Variants in JAK2 observed in about 807,000 individuals in gnomAD.
JAK2 encodes the protein Janus kinase 2.
In JAK2, 86 loss-of-function variants were observed where a neutral mutation model predicts 139.3. The observed-to-expected ratio is 0.62, with a 90% CI of 0.52 to 0.74. JAK2 has a LOEUF of 0.74. JAK2 is among the 30% of genes least tolerant of loss of function. The probability of loss-of-function intolerance (pLI) is 0.00; values close to 1 mark genes in which losing one functional copy is unlikely to be tolerated. For synonymous variants in JAK2, 490 were observed against 437.7 expected, an observed-to-expected ratio of 1.12 and a Z score of -1.49; for missense variants, 1,421 against 1,360.3, an observed-to-expected ratio of 1.04 and a Z score of -0.70.
At chr9:5,106,884 C>G (rs1822004493) in intron 22 of JAK2, among the ~76,000 whole-genome samples, 1 of 151,962 alleles carries the variant, frequency 6.6e-6, no homozygotes, top group Admixed American at 6.5e-5. Context: ...GAACATCACA[C>G]AAAGGGGCCC....
At chr9:5,050,856 C>T (rs187871601) in intron 6 of JAK2, 25 bp downstream of exon 6, 2 of 1,587,990 alleles carry the variant, frequency 1.3e-6, no homozygotes, top group Admixed American at 1.7e-5. Flanking sequence ...CAAATCCTTA[C>T]ACATAAGTGT....
At chr9:5,043,117 C>T (rs1157200877) in intron 4 of JAK2, among the ~76,000 whole-genome samples, 1 of 152,214 alleles carries the variant, frequency 6.6e-6, no homozygotes, top group Non-Finnish European at 1.5e-5. Context: ...CCTTAAAGCC[C>T]CCGACCCAGC....
intron 2 of JAK2, among the ~76,000 whole-genome samples, chr9:5,012,399 CGT>C (rs1354637504): frequency 6.6e-6 from 1 of 151,832 alleles, no homozygotes; most frequent in Non-Finnish European, 1.5e-5. Context: ...TTATAATTGT[CGT>C]CATCAGGAAC....
intron 22 of JAK2, chr9:5,094,468 A>C (rs1227646481): frequency 2.0e-5 from 3 of 152,186 alleles, no homozygotes; most frequent in Non-Finnish European, 4.4e-5. Context: ...ACTGATCGGC[A>C]CACTACGAGC....
intron 4 of JAK2, among the ~76,000 whole-genome samples, chr9:5,032,947 C>T (rs879712228): frequency 6.6e-6 from 1 of 152,094 alleles, no homozygotes; most frequent in Non-Finnish European, 1.5e-5. Context: ...CAAACTACTC[C>T]AAGCTAAAGG....
At chr9:5,035,098 T>C (rs1359472674) in intron 4 of JAK2, among the ~76,000 whole-genome samples, 1 of 152,166 alleles carries the variant, frequency 6.6e-6, no homozygotes, top group Non-Finnish European at 1.5e-5. Flanking sequence ...GAGAATACTA[T>C]AAACACCTCT....
chr9:5,100,924 C>G (rs1821430965), intron 22 of JAK2: 1 of 152,254 alleles, frequency 6.6e-6, no homozygotes, highest in African/African-American at 2.4e-5. Flanking sequence ...TACAAGATGT[C>G]TGAATAGGAA....
chr9:4,991,340 GT>G (rs1820228901), intron 2 of JAK2, among the ~76,000 whole-genome samples: 1 of 152,082 alleles, frequency 6.6e-6, no homozygotes, highest in South Asian at 2.1e-4. Context: ...TTTTTAGTAT[GT>G]TATTGGAAAC....
At chr9:5,021,689 T>C (rs1267409431) in intron 2 of JAK2, among the ~76,000 whole-genome samples, 1 of 151,968 alleles carries the variant, frequency 6.6e-6, no homozygotes, top group Non-Finnish European at 1.5e-5. Context: ...TGCGGTGGAG[T>C]GCGGAGGTTT....
At chr9:5,094,885 T>G (rs141476703) in intron 22 of JAK2, 1 of 152,176 alleles carries the variant, frequency 6.6e-6, no homozygotes, top group African/African-American at 2.4e-5. Flanking sequence ...TTTTTATGAA[T>G]CCGAACAGCA....
chr9:5,108,572 A>G (rs1822166119), intron 22 of JAK2: 2 of 152,088 alleles, frequency 1.3e-5, no homozygotes, highest in Admixed American at 1.3e-4. Context: ...TGTGACTCCC[A>G]AAAGCCCATG....
rs184008299 is a variant in JAK2 at position 5,128,924 on chromosome 9, C to T, written c.*2133C>T. On this transcript the variant is annotated 3_prime_UTR_variant, in exon 25 of 25. Transcript: ENST00000381652. ...AGAATTATGTAATTCTGTAACTATT[C>T]CAGTATATTAAGTTATACAATCTTT... 2.0e-5 allele frequency among the ~76,000 whole-genome samples: 3 copies of T among 152,032 alleles called. No homozygotes were observed. The East Asian group carries it at 5.8e-4, about 29-fold the overall frequency.
chr9:4,984,612 C>T (rs1439021980), upstream of JAK2: 1 of 152,666 alleles, frequency 6.6e-6, no homozygotes, highest in African/African-American at 2.4e-5. Flanking sequence ...CACTTCCCCT[C>T]GGCCTAGCAG....
Position 5,090,540 on chromosome 9 carries a change from A to C in JAK2, c.2856A>C (p.Lys952Asn). 6.3e-7 allele frequency: 1 copy of C among 1,595,534 alleles called. No individual in the cohort carries two copies. Among genetic ancestry groups the C allele is most frequent in the Non-Finnish European group, 8.5e-7 (1 of 1,170,890 alleles). Residue 952 changes from lysine (K) to asparagine (N), a missense_variant, in exon 21 of 25, where the codon AAA (lysine) becomes AAC (asparagine). Transcript: ENST00000381652. The stretch of plus-strand genomic sequence containing the variant: ...ATAAAGAACGGATAGATCACATAAA[A>C]CTTCTGCAGTACACATCTCAGATAT... ...QKHKERIDHI[K>N]LLQYTSQICK...
chr9:5,120,497 TTTGTTTTAAGCTAACAATA>T (rs1413107640), intron 22 of JAK2, among the ~76,000 whole-genome samples: 2 of 152,254 alleles, frequency 1.3e-5, no homozygotes, highest in Non-Finnish European at 2.9e-5. Context: ...AAAAGGCTCT[TTTGTTTTAAGCTAACAATA>T]TGGTTGACGG....
In JAK2 at chr9:5,048,687, A is replaced by C. The variant is rs1323587668; in HGVS notation, c.469-1999A>C. Among the ~76,000 whole-genome samples, 3 of 152,290 alleles carry C rather than the reference A, an allele frequency of 2.0e-5. No individual in the cohort carries two copies. The East Asian group carries it at 5.8e-4, about 29-fold the overall frequency. On this transcript the variant is annotated intron_variant, in intron 5 of 24. Transcript: ENST00000381652. ...GGTTCTTAATAGTTTATTTTCTTAT[A>C]TGAAAATATCTTCTATATTTTATTA... is the stretch of plus-strand genomic sequence containing the variant.
Position 5,007,343 on chromosome 9 carries a change from A to T in JAK2, c.-25-14620A>T, listed in dbSNP as rs188882718. On this transcript the variant is annotated intron_variant, in intron 2 of 24. Transcript: ENST00000381652. The stretch of plus-strand genomic sequence containing the variant: ...TATTCTTTGTACCATGGGTTCTATG[A>T]AAATATATTGATTAATTTACAAATA... Among the ~76,000 whole-genome samples, 871 of 152,290 alleles carry T rather than the reference A, an allele frequency of 5.7e-3. 9 individuals are homozygous for T. The highest frequency in any genetic ancestry group is 0.02 in the African/African-American group (833 of 41,588).
At chr9:4,991,362 T>C (rs1587793114) in intron 2 of JAK2, among the ~76,000 whole-genome samples, 3 of 152,190 alleles carry the variant, frequency 2.0e-5, no homozygotes, top group African/African-American at 7.2e-5. Context: ...AGAGTACTCA[T>C]TAGTTCTTAC....
intron 3 of JAK2, among the ~76,000 whole-genome samples, chr9:5,026,517 T>C (rs901191388): frequency 1.3e-5 from 2 of 152,186 alleles, no homozygotes; most frequent in African/African-American, 4.8e-5. Flanking sequence ...CAGTGGAAAA[T>C]AGTGAAAACA....
Sources: gnomAD v4.1 joint callset for allele counts (sites outside exome capture counted in the v4.1 genomes callset) on GRCh38, gnomAD v4.1.1 for gene constraint, MANE v1.5 for transcripts, NCBI Gene and HGNC (gene_info 2026-07-23, HGNC 2026-07-21) for gene names.